Variants in TMEM178B observed in about 807,000 individuals in gnomAD.
The protein encoded by TMEM178B is transmembrane protein 178B.
TMEM178B carries 5 observed loss-of-function variants against 31.0 expected under a neutral mutation model. That is an observed-to-expected ratio of 0.16 (90% CI 0.08 to 0.34). The LOEUF is 0.34. Ranked by LOEUF, TMEM178B falls within the 10% of genes least tolerant of loss-of-function variation. The pLI is 1.00. For synonymous variants in TMEM178B, 164 were observed against 164.0 expected (o/e 1.00, Z 0.00); for missense variants, 275 against 400.3 (o/e 0.69, Z 2.67).
In TMEM178B at chr7:141,477,761, G is replaced by C. The variant is rs1283382640; in HGVS notation, c.*6975G>C. 2.0e-5 allele frequency: 3 copies of C among 152,220 alleles called. No homozygotes were observed. The allele number at this position is 152,220 out of a possible 1,614,324, so 9.4% of individuals were successfully genotyped here. ...CTAGAGAGACTTTGAGCCCTTGCTAGTGCGTGCTTACTGCATGGAGGTAAA... is the reference window on the plus strand; with the variant it reads ...CTAGAGAGACTTTGAGCCCTTGCTACTGCGTGCTTACTGCATGGAGGTAAA... On this transcript the variant is annotated 3_prime_UTR_variant, in exon 4 of 4. Coordinates refer to ENST00000565468, the MANE Select transcript of TMEM178B (RefSeq NM_001195278.2).
chr7:141,441,948 G>A (rs922749500), intron 3 of TMEM178B, among the ~76,000 whole-genome samples: 1 of 152,172 alleles, frequency 6.6e-6, no homozygotes, highest in South Asian at 2.1e-4. Flanking sequence ...GGCCGGGGGT[G>A]GCAAGTGGGA....
intron 2 of TMEM178B, among the ~76,000 whole-genome samples, chr7:141,347,055 C>T (rs1030964908): frequency 1.3e-5 from 2 of 152,122 alleles, no homozygotes; most frequent in Non-Finnish European, 2.9e-5. Context: ...GTGAAGAAGG[C>T]CCTTGCTTCC....
intron 1 of TMEM178B, among the ~76,000 whole-genome samples, chr7:141,126,911 G>A (rs1170946445): frequency 6.6e-6 from 1 of 151,794 alleles, no homozygotes; most frequent in Non-Finnish European, 1.5e-5. Flanking sequence ...TGAGGAGTGG[G>A]CAGCTGATAT....
At chr7:141,436,604 A>T (rs1214509480) in intron 2 of TMEM178B, among the ~76,000 whole-genome samples, 1 of 151,480 alleles carries the variant, frequency 6.6e-6, no homozygotes, top group Non-Finnish European at 1.5e-5. Flanking sequence ...AGAAGGGGTG[A>T]TGGATGAGGA....
chr7:141,074,192 C>G lies in TMEM178B; in HGVS notation c.-119C>G. On this transcript the variant is annotated 5_prime_UTR_variant, in exon 1 of 4. Coordinates refer to ENST00000565468, the MANE Select transcript of TMEM178B (RefSeq NM_001195278.2). This position sits in a 1 kb window ranked among gnomAD's most constrained non-coding sequence, Gnocchi z 5.1. ...GGCGGGGGCCGAGGGGGCGCCGCGG[C>G]GCGAGTCCCTCTCCTGCCCCCTCCC... 7.3e-7 allele frequency: 1 copy of G among 1,361,178 alleles called. No individual in the cohort carries two copies. Among genetic ancestry groups the G allele is most frequent in the Non-Finnish European group, 9.6e-7 (1 of 1,046,354 alleles). 84.3% of individuals were successfully genotyped at this position (1,361,178 alleles called of 1,614,324 possible). A position where few individuals can be genotyped will look rare whatever the true frequency, so the allele number is the denominator to read the frequency against.
rs1219124842 is a variant in TMEM178B at position 141,479,314 on chromosome 7, T to C, written c.*8528T>C. ...TGTTTTCTGAATCCCTTAATTTTCT[T>C]AAATATTTATCTTAAAGTCAAATGC... On this transcript the variant is annotated 3_prime_UTR_variant, in exon 4 of 4. Transcript: ENST00000565468. The C allele has an allele frequency of 6.6e-6, 1 of 152,198 alleles. No individual in the cohort carries two copies. The highest frequency in any genetic ancestry group is 1.5e-5 in the Non-Finnish European group (1 of 68,036). The allele number at this position is 152,198 out of a possible 1,614,324, so 9.4% of individuals were successfully genotyped here.
intron 2 of TMEM178B, among the ~76,000 whole-genome samples, chr7:141,275,190 A>G (rs1428861915): frequency 6.6e-6 from 1 of 152,212 alleles, no homozygotes; most frequent in African/African-American, 2.4e-5. Context: ...TCAAAACTCA[A>G]TAAAATTAAC....
intron 1 of TMEM178B, among the ~76,000 whole-genome samples, chr7:141,164,196 T>G (rs1476148901): frequency 6.6e-6 from 1 of 152,212 alleles, no homozygotes; most frequent in African/African-American, 2.4e-5. Context: ...TATGTGAGTC[T>G]TTGGTTCCTG....
intron 1 of TMEM178B, among the ~76,000 whole-genome samples, chr7:141,190,248 C>A (rs942889132): frequency 2.0e-5 from 3 of 152,112 alleles, no homozygotes; most frequent in Non-Finnish European, 4.4e-5. Context: ...CATTAGCCTG[C>A]AGTTGGGCAA....
At chr7:141,259,316 A>G (rs1298189912) in intron 2 of TMEM178B, among the ~76,000 whole-genome samples, 2 of 152,170 alleles carry the variant, frequency 1.3e-5, no homozygotes, top group African/African-American at 4.8e-5. Flanking sequence ...TATTGATACT[A>G]CCTATTTGAT....
intron 2 of TMEM178B, among the ~76,000 whole-genome samples, chr7:141,320,052 A>T (rs1447247171): frequency 1.3e-5 from 2 of 152,000 alleles, no homozygotes; most frequent in Non-Finnish European, 2.9e-5. Context: ...GGTTTCCCCC[A>T]TGCTGTTCTC....
intron 1 of TMEM178B, among the ~76,000 whole-genome samples, chr7:141,088,404 T>C (rs1483269399): frequency 1.3e-5 from 2 of 152,096 alleles, no homozygotes; most frequent in East Asian, 3.9e-4. Flanking sequence ...TGTGTGTAGC[T>C]CTATTCTTAT....
chr7:141,260,979 C>T (rs933848948), intron 2 of TMEM178B, among the ~76,000 whole-genome samples: 1 of 152,002 alleles, frequency 6.6e-6, no homozygotes, highest in Non-Finnish European at 1.5e-5. Context: ...GGTAAGAAAG[C>T]TTTAGGATTC....
chr7:141,331,963 C>T (rs1029464247), intron 2 of TMEM178B, among the ~76,000 whole-genome samples: 1 of 152,190 alleles, frequency 6.6e-6, no homozygotes, highest in East Asian at 1.9e-4. Flanking sequence ...TGGAACATTG[C>T]CTCCTGAGGC....
intron 2 of TMEM178B, among the ~76,000 whole-genome samples, chr7:141,386,442 AC>A (rs1455007304): frequency 1.3e-5 from 2 of 152,128 alleles, no homozygotes; most frequent in African/African-American, 4.8e-5. Flanking sequence ...CTATTACCTT[AC>A]ATGAAGGTCT....
chr7:141,306,472 T>C (rs1243763724), intron 2 of TMEM178B, among the ~76,000 whole-genome samples: 1 of 152,140 alleles, frequency 6.6e-6, no homozygotes, highest in Non-Finnish European at 1.5e-5. Context: ...GCTTTCTGAG[T>C]ATGGCTTTCT....
chr7:141,416,730 C>A (rs760273458), intron 2 of TMEM178B, among the ~76,000 whole-genome samples: 2 of 152,176 alleles, frequency 1.3e-5, no homozygotes, highest in South Asian at 2.1e-4. Context: ...GCTTCGATAG[C>A]CTGCCACAGA....
At chr7:141,330,023 G>A (rs1474441535) in intron 2 of TMEM178B, among the ~76,000 whole-genome samples, 1 of 152,132 alleles carries the variant, frequency 6.6e-6, no homozygotes, top group African/African-American at 2.4e-5. Context: ...GGTGAAGATG[G>A]CCATGGTAAC....
chr7:141,476,410 G>A lies in TMEM178B; in HGVS notation c.*5624G>A, dbSNP rs1802365282. ...CATATATGAGCTAAACCAGTTAACT[G>A]TTAACCAAGGCACATGGTCAATGCC... On this transcript the variant is annotated 3_prime_UTR_variant, in exon 4 of 4. Coordinates refer to ENST00000565468, the MANE Select transcript of TMEM178B (RefSeq NM_001195278.2). The A allele has an allele frequency of 6.6e-6, 1 of 151,956 alleles. No homozygotes were observed. The highest frequency in any genetic ancestry group is 1.5e-5 in the Non-Finnish European group (1 of 67,996). The allele number at this position is 151,956 out of a possible 1,614,324, so 9.4% of individuals were successfully genotyped here. A position where few individuals can be genotyped will look rare whatever the true frequency, so the allele number is the denominator to read the frequency against.
Sources: allele counts gnomAD v4.1 joint callset (sites outside exome capture counted in the v4.1 genomes callset), GRCh38; gene constraint gnomAD v4.1.1; non-coding constraint Gnocchi (gnomAD v3.1); transcripts MANE v1.5; gene names NCBI Gene and HGNC (gene_info 2026-07-23, HGNC 2026-07-21).